SMURF1: variants seen among roughly 807,000 people sequenced by gnomAD.
SMURF1 encodes SMAD specific E3 ubiquitin protein ligase 1.
SMURF1 carries 44 observed loss-of-function variants against 98.0 expected under a neutral mutation model. The observed-to-expected ratio is 0.45, with a 90% CI of 0.35 to 0.58. The LOEUF (loss-of-function observed/expected upper bound fraction) is 0.58. SMURF1 is among the 20% of genes least tolerant of loss of function. The pLI, the probability that SMURF1 is intolerant of heterozygous loss-of-function variation, is 0.00. For synonymous variants in SMURF1, 396 were observed against 374.9 expected (o/e 1.06, Z -0.65); for missense variants, 687 against 938.4 (o/e 0.73, Z 3.50).
intron 8 of SMURF1, chr7:99,049,921 CAA>C (rs1393152993): frequency 2.2e-6 from 1 of 460,804 alleles, no homozygotes; most frequent in African/African-American, 2.0e-5. Flanking sequence ...GATTTAAAAC[CAA>C]ACTTTCAGGC....
At position 99,135,493 on chromosome 7, in the gene SMURF1, A is replaced by G. The variant is rs773328642; in HGVS notation, c.55+8233T>C. 6.0e-4 allele frequency among the ~76,000 whole-genome samples: 91 copies of G among 152,312 alleles called. 1 individual carries two copies. Among genetic ancestry groups the G allele is most frequent in the Non-Finnish European group, 1.6e-4 (11 of 68,016 alleles). On this transcript the variant is annotated intron_variant, in intron 1 of 17. Coordinates refer to ENST00000361368, the MANE Select transcript of SMURF1 (RefSeq NM_181349.3). ...TTTCTTGTTTTATTATTCAAATAGT[A>G]CACACACTAGCCTCTGTTTTGAATC...
rs1795775698 is a variant in SMURF1 at position 99,052,299 on chromosome 7, T to C, written c.627A>G (p.Ala209=). The C allele has an allele frequency of 6.2e-7, 1 of 1,613,102 alleles. No homozygotes were observed. Among genetic ancestry groups the C allele is most frequent in the South Asian group, 1.1e-5 (1 of 90,620 alleles). ...ESPSQDQRLQ[A]QRLRNPDVRG... is the part of the protein sequence containing the mutation. ...GCACATCAGGGTTTCGAAGCCGCTGTGCCTGAAGTCTTTGATCTTGACTTG... is the reference window on the plus strand; with the variant it reads ...GCACATCAGGGTTTCGAAGCCGCTGCGCCTGAAGTCTTTGATCTTGACTTG... The change falls in exon 7 of 18, where the codon GCA becomes GCG. Residue 209 remains alanine, a synonymous_variant. Coordinates refer to ENST00000361368, the MANE Select transcript of SMURF1 (RefSeq NM_181349.3).
At chr7:99,137,702 G>A (rs961132911) in intron 1 of SMURF1, among the ~76,000 whole-genome samples, 2 of 152,236 alleles carry the variant, frequency 1.3e-5, no homozygotes, top group African/African-American at 4.8e-5. Context: ...AGCTGCAGTG[G>A]AGGTGAACAC....
intron 8 of SMURF1, 119 bp downstream of exon 8, chr7:99,051,236 AAT>A: frequency 2.2e-6 from 2 of 910,140 alleles, no homozygotes; most frequent in South Asian, 2.8e-5. Flanking sequence ...CCCAGACATC[AAT>A]ATCATCTCAT....
chr7:99,063,137 C>G (rs1402952838), intron 1 of SMURF1, among the ~76,000 whole-genome samples: 1 of 147,096 alleles, frequency 6.8e-6, no homozygotes, highest in Admixed American at 6.9e-5. Context: ...AGTTTCACTT[C>G]GTTTTATAAA....
At chr7:99,030,961 A>C (rs1367710030) in intron 17 of SMURF1, 7 of 315,744 alleles carry the variant, frequency 2.2e-5, no homozygotes, top group Non-Finnish European at 4.2e-5. Context: ...TGCCCTCTCA[A>C]CGTGCTGGGA....
At chr7:99,032,618 G>A (rs367890513) in intron 17 of SMURF1, among the ~76,000 whole-genome samples, 5 of 152,202 alleles carry the variant, frequency 3.3e-5, no homozygotes, top group South Asian at 2.1e-4. Context: ...GCAGTGAGCC[G>A]AGATCGTGCC....
At chr7:99,040,298 C>T (rs960654511) in intron 13 of SMURF1, 80 bp downstream of exon 13, 60 of 1,274,802 alleles carry the variant, frequency 4.7e-5, no homozygotes, top group South Asian at 4.6e-4. Context: ...CACACACGCG[C>T]GCGCGCGCGC....
intron 11 of SMURF1, among the ~76,000 whole-genome samples, chr7:99,042,817 C>T (rs1431623120): frequency 6.6e-6 from 1 of 152,180 alleles, no homozygotes; most frequent in Non-Finnish European, 1.5e-5. Context: ...ATAGCAGCTC[C>T]AAATTTTATT....
intron 13 of SMURF1, among the ~76,000 whole-genome samples, 185 bp downstream of exon 13, chr7:99,040,193 G>C (rs533717403): frequency 6.6e-6 from 1 of 151,814 alleles, no homozygotes; most frequent in South Asian, 2.1e-4. Context: ...CGAACTCCTG[G>C]ACTGAATTGA....
chr7:99,115,871 A>AT lies in SMURF1; in HGVS notation c.55+27854dup, dbSNP rs538435822. The stretch of plus-strand genomic sequence containing the variant: ...TTCACTGGTGAGCTTTACCATAAAC[A>AT]TTTTTTTTTTTAAATTAACAAAACC... On this transcript the variant is annotated intron_variant, in intron 1 of 17. Coordinates refer to ENST00000361368, the MANE Select transcript of SMURF1 (RefSeq NM_181349.3). Among the ~76,000 whole-genome samples the AT allele has an allele frequency of 2.7e-3, 397 of 149,016 alleles. 4 individuals carry two copies. Among genetic ancestry groups the AT allele is most frequent in the African/African-American group, 8.6e-3 (353 of 40,928 alleles).
chr7:99,092,294 A>G (rs902987626), intron 1 of SMURF1, among the ~76,000 whole-genome samples: 1 of 152,202 alleles, frequency 6.6e-6, no homozygotes, highest in Non-Finnish European at 1.5e-5. Flanking sequence ...CATTTTATAA[A>G]TATGGAAACT....
chr7:99,122,513 G>A (rs1217091970), intron 1 of SMURF1, among the ~76,000 whole-genome samples: 4 of 150,804 alleles, frequency 2.7e-5, no homozygotes, highest in Admixed American at 1.3e-4. Context: ...GTGTGGTGGC[G>A]GGCGCCTGTA....
chr7:99,050,785 C>A (rs750861282), intron 8 of SMURF1: 2 of 684,230 alleles, frequency 2.9e-6, no homozygotes, highest in Non-Finnish European at 4.8e-6. Context: ...TGAAACAAAT[C>A]ATGAATAAAA....
At position 99,035,649 on chromosome 7, in the gene SMURF1, C is replaced by T; in HGVS notation, c.1877G>A (p.Cys626Tyr). ...CCGCACGATGTTGCTGTCGGCCACA[C>T]AGTGCTTCAGCCGCGTGTTCGACTT... ...DWKSNTRLKH[C>Y]VADSNIVRWF... Residue 626 changes from cysteine to tyrosine, a missense_variant, in exon 16 of 18, where the codon TGT (cysteine) becomes TAT (tyrosine). Physicochemically the swap from Cys to Tyr is radical, Grantham distance 194. Coordinates refer to ENST00000361368, the MANE Select transcript of SMURF1 (RefSeq NM_181349.3). 1.2e-6 allele frequency: 2 copies of T among 1,614,254 alleles called. No individual in the cohort carries two copies. The highest frequency in any genetic ancestry group is 1.7e-6 in the Non-Finnish European group (2 of 1,180,048).
Position 99,033,054 on chromosome 7 carries a change from A to C in SMURF1, c.2079T>G (p.Leu693=), listed in dbSNP as rs764226320. ...GTGCTTACCAGGTATGGGCCTTCGG[A>C]AGGTTGTCTGTGTTCGCGTCTATCA... is the stretch of plus-strand genomic sequence containing the variant. ...IHLIDANTDN[L]PKAHTCFNRI... Residue 693 remains leucine, a synonymous_variant, in exon 17 of 18, where the codon CTT becomes CTG. Coordinates refer to ENST00000361368, the MANE Select transcript of SMURF1 (RefSeq NM_181349.3). The C allele has an allele frequency of 8.8e-6, 14 of 1,596,088 alleles. No homozygotes were observed. The Admixed American group carries it at 2.5e-4, about 28-fold the overall frequency.
At position 99,039,956 on chromosome 7, in the gene SMURF1, G is replaced by A. The variant is rs564874697; in HGVS notation, c.1550+422C>T. On this transcript the variant is annotated intron_variant, in intron 13 of 17. Coordinates refer to ENST00000361368, the MANE Select transcript of SMURF1 (RefSeq NM_181349.3). ...GCCCCTGTGTAGGTTAACTGGAGAT[G>A]CCCTGAGTGTCTCACACACACCCCA... 5.6e-4 allele frequency among the ~76,000 whole-genome samples: 85 copies of A among 152,290 alleles called. 2 individuals carry two copies. The South Asian group carries it at 0.018, about 32-fold the overall frequency.
intron 14 of SMURF1, 80 bp from the exon 15 acceptor site, chr7:99,037,267 T>C (rs2150501368): frequency 6.4e-7 from 1 of 1,555,418 alleles, no homozygotes; most frequent in African/African-American, 1.4e-5. Context: ...AGACAGGGTC[T>C]CACTCTGTCA....
intron 1 of SMURF1, among the ~76,000 whole-genome samples, chr7:99,087,773 C>G (rs2150575020): frequency 6.6e-6 from 1 of 152,266 alleles, no homozygotes; most frequent in East Asian, 1.9e-4. Flanking sequence ...TGCCACTGCT[C>G]AAGTCCAGGC....
Sources: allele counts gnomAD v4.1 joint callset (sites outside exome capture counted in the v4.1 genomes callset), GRCh38; gene constraint gnomAD v4.1.1; transcripts MANE v1.5; gene names NCBI Gene and HGNC (gene_info 2026-07-23, HGNC 2026-07-21).